The following CNTNAP2 variants were observed in gnomAD, a reference collection of about 807,000 sequenced individuals.
CNTNAP2 encodes the protein contactin-associated protein-like 2.
CNTNAP2 carries 98 observed loss-of-function variants against 155.2 expected under a neutral mutation model. The ratio of observed to expected loss-of-function variants is 0.63; its 90% CI spans 0.54 to 0.75. CNTNAP2 has a LOEUF of 0.75. CNTNAP2 is among the 30% of genes least tolerant of loss of function. The pLI, the probability that CNTNAP2 is intolerant of heterozygous loss-of-function variation, is 0.00. For synonymous variants in CNTNAP2, 651 were observed against 631.2 expected, an observed-to-expected ratio of 1.03 and a Z score of -0.47; for missense variants, 1,727 against 1,688.1, an observed-to-expected ratio of 1.02 and a Z score of -0.40.
chr7:147,901,956 C>A (rs1347112952), intron 13 of CNTNAP2, among the ~76,000 whole-genome samples: 1 of 152,150 alleles, frequency 6.6e-6, no homozygotes, highest in Non-Finnish European at 1.5e-5. Context: ...TCTTCTAGAC[C>A]TAAATTTCTT....
chr7:147,064,709 A>G (rs1448414565), intron 4 of CNTNAP2, among the ~76,000 whole-genome samples: 2 of 152,170 alleles, frequency 1.3e-5, no homozygotes, highest in Non-Finnish European at 2.9e-5. Context: ...ATATCCTTAA[A>G]TAAAGAATAA....
At chr7:147,960,113 C>T (rs1248927244) in intron 14 of CNTNAP2, among the ~76,000 whole-genome samples, 1 of 152,138 alleles carries the variant, frequency 6.6e-6, no homozygotes, top group African/African-American at 2.4e-5. Flanking sequence ...CACAGCAAGC[C>T]CAGCAGAACC....
chr7:147,111,521 AT>A (rs1800879399), intron 5 of CNTNAP2, among the ~76,000 whole-genome samples: 1 of 152,110 alleles, frequency 6.6e-6, no homozygotes, highest in Non-Finnish European at 1.5e-5. Context: ...AAAGTCTTTA[AT>A]TCATTTTGAA....
chr7:148,392,311 A>G (rs1011642720), intron 22 of CNTNAP2, among the ~76,000 whole-genome samples: 1 of 145,672 alleles, frequency 6.9e-6, no homozygotes, highest in South Asian at 2.1e-4. Flanking sequence ...TGACCTCGTG[A>G]TCCGCCCGCC....
chr7:147,802,794 G>A (rs142679961), intron 13 of CNTNAP2, among the ~76,000 whole-genome samples: 117 of 104,902 alleles, frequency 1.1e-3, no homozygotes, highest in Non-Finnish European at 1.4e-3. Flanking sequence ...GGAGGGGGAG[G>A]GGGAGAGGGA....
At chr7:146,921,975 C>A (rs1455819252) in intron 3 of CNTNAP2, among the ~76,000 whole-genome samples, 2 of 151,960 alleles carry the variant, frequency 1.3e-5, no homozygotes, top group South Asian at 4.1e-4. Flanking sequence ...GAAAAACATC[C>A]GTTGAATATA....
intron 1 of CNTNAP2, among the ~76,000 whole-genome samples, chr7:146,457,503 T>TCAA (rs1179239696): frequency 1.2e-4 from 1 of 8,608 alleles, no homozygotes; most frequent in African/African-American, 3.6e-4. Context: ...TATATATATA[T>TCAA]ATATATATAT....
chr7:148,328,642 TC>T (rs1374671506), intron 21 of CNTNAP2, among the ~76,000 whole-genome samples: 3 of 151,932 alleles, frequency 2.0e-5, no homozygotes, highest in African/African-American at 7.3e-5. Context: ...ATTCAAGTGC[TC>T]CAGGCACCTG....
intron 1 of CNTNAP2, among the ~76,000 whole-genome samples, chr7:146,640,497 G>C (rs962161501): frequency 3.9e-5 from 6 of 152,196 alleles, no homozygotes; most frequent in Admixed American, 1.3e-4. Context: ...TCCTTGCAAT[G>C]TGTAGAGTAT....
At chr7:146,554,892 C>T (rs1383193635) in intron 1 of CNTNAP2, among the ~76,000 whole-genome samples, 2 of 152,220 alleles carry the variant, frequency 1.3e-5, no homozygotes, top group Non-Finnish European at 2.9e-5. Context: ...ACTTGAGTGT[C>T]CATAAGTTGC....
intron 1 of CNTNAP2, among the ~76,000 whole-genome samples, chr7:146,149,759 A>G (rs1043950189): frequency 3.3e-5 from 5 of 152,202 alleles, no homozygotes; most frequent in Admixed American, 2.6e-4. Flanking sequence ...TAGATGGCAC[A>G]TAGACCTAAA....
intron 1 of CNTNAP2, among the ~76,000 whole-genome samples, chr7:146,729,826 CT>C (rs1242326847): frequency 6.6e-6 from 1 of 152,174 alleles, no homozygotes; most frequent in Non-Finnish European, 1.5e-5. Context: ...AAATGGACAG[CT>C]TCTTGTAAAT....
At chr7:148,078,872 T>C (rs1467511546) in intron 15 of CNTNAP2, among the ~76,000 whole-genome samples, 1 of 152,246 alleles carries the variant, frequency 6.6e-6, no homozygotes, top group Non-Finnish European at 1.5e-5. Context: ...AATCTAGATT[T>C]TAAAACATGT....
intron 10 of CNTNAP2, among the ~76,000 whole-genome samples, chr7:147,408,292 A>G (rs1332986171): frequency 2.0e-5 from 3 of 152,210 alleles, no homozygotes; most frequent in African/African-American, 4.8e-5. Flanking sequence ...TGGAGATGGC[A>G]GAGGAGCAGT....
intron 21 of CNTNAP2, among the ~76,000 whole-genome samples, 178 bp from the exon 22 acceptor site, chr7:148,383,471 T>C (rs1005138060): frequency 2.6e-5 from 4 of 152,196 alleles, no homozygotes; most frequent in Non-Finnish European, 5.9e-5. Flanking sequence ...AAGGTTCCTT[T>C]AAAGTCAAGT....
At chr7:147,919,552 G>A (rs1191306889) in intron 14 of CNTNAP2, among the ~76,000 whole-genome samples, 1 of 147,890 alleles carries the variant, frequency 6.8e-6, no homozygotes, top group Non-Finnish European at 1.5e-5. Context: ...TCCGTCCCCT[G>A]GGTTCATGCC....
At chr7:147,845,338 C>T (rs368807022) in intron 13 of CNTNAP2, among the ~76,000 whole-genome samples, 3 of 50,630 alleles carry the variant, frequency 5.9e-5, no homozygotes, top group Admixed American at 3.1e-4. Flanking sequence ...GTGTATGTGT[C>T]GAGGAATGTA....
chr7:148,333,361 G>A (rs1367063129), intron 21 of CNTNAP2, among the ~76,000 whole-genome samples: 2 of 152,170 alleles, frequency 1.3e-5, no homozygotes, highest in Non-Finnish European at 2.9e-5. Context: ...CTGGGAGGCA[G>A]AGGTTGCGGT....
chr7:148,124,348 C>T (rs1804668222), intron 16 of CNTNAP2, among the ~76,000 whole-genome samples: 1 of 152,106 alleles, frequency 6.6e-6, no homozygotes, highest in Non-Finnish European at 1.5e-5. Flanking sequence ...TATCAGAAAA[C>T]CCAGACTCTA....
Sources: allele counts gnomAD v4.1 joint callset (sites outside exome capture counted in the v4.1 genomes callset), GRCh38; gene constraint gnomAD v4.1.1; transcripts MANE v1.5; gene names NCBI Gene and HGNC (gene_info 2026-07-23, HGNC 2026-07-21).